PRIM2: variants seen among roughly 807,000 people sequenced by gnomAD.
The protein encoded by PRIM2 is DNA primase large subunit.
In PRIM2, 39 loss-of-function variants were observed where a neutral mutation model predicts 67.3. The observed-to-expected ratio is 0.58, with a 90% CI of 0.45 to 0.76. PRIM2 has a LOEUF of 0.76. Ranked by LOEUF, PRIM2 falls within the 30% of genes least tolerant of loss-of-function variation. The pLI is 0.00. For missense variants in PRIM2, 398 were observed against 598.7 expected, an observed-to-expected ratio of 0.66 and a Z score of 3.50; for synonymous variants, 143 against 198.7, an observed-to-expected ratio of 0.72 and a Z score of 2.36.
chr6:57,485,065 C>T (rs1438244856), intron 7 of PRIM2, among the ~76,000 whole-genome samples: 1 of 152,050 alleles, frequency 6.6e-6, no homozygotes, highest in Non-Finnish European at 1.5e-5. Context: ...GGACAAGTTA[C>T]GATGGAGCCA....
intron 12 of PRIM2, among the ~76,000 whole-genome samples, chr6:57,624,955 A>G (rs1776922654): frequency 6.6e-6 from 1 of 152,166 alleles, no homozygotes; most frequent in Admixed American, 6.5e-5. Flanking sequence ...AAGAGAGACA[A>G]TGAGATCCAA....
At position 57,331,396 on chromosome 6, in the gene PRIM2, T is replaced by C. The variant is rs191074300; in HGVS notation, c.459+5351T>C. On this transcript the variant is annotated intron_variant, in intron 5 of 13. Coordinates refer to ENST00000615550, the MANE Select transcript of PRIM2 (RefSeq NM_000947.5). ...GGTTTTTTGTGATGTCTATATCTGG[T>C]TTTGGTATTAGGATCATATTGGCCT... 4.9e-3 allele frequency among the ~76,000 whole-genome samples: 740 copies of C among 152,164 alleles called. 9 individuals are homozygous for C. The highest frequency in any genetic ancestry group is 0.017 in the African/African-American group (710 of 41,514).
intron 12 of PRIM2, among the ~76,000 whole-genome samples, chr6:57,607,642 G>A (rs1259863383): frequency 6.5e-4 from 99 of 152,118 alleles, no homozygotes; most frequent in African/African-American, 2.3e-3. Context: ...AGTTGGTTTC[G>A]GTTTGAGTGA....
At chr6:57,568,297 A>G (rs1775789048) in intron 10 of PRIM2, among the ~76,000 whole-genome samples, 1 of 152,186 alleles carries the variant, frequency 6.6e-6, no homozygotes, top group African/African-American at 2.4e-5. Context: ...AATGCAATGA[A>G]TAACTTGGTT....
At chr6:57,271,522 T>G in the PRIM2 span, among the ~76,000 whole-genome samples, 1 of 152,224 alleles carries the variant, frequency 6.6e-6, no homozygotes, top group Non-Finnish European at 1.5e-5. Flanking sequence ...TCCTCTTTTC[T>G]TCTTTATTAG....
At chr6:57,605,088 T>C (rs1163881907) in intron 11 of PRIM2, among the ~76,000 whole-genome samples, 1 of 152,238 alleles carries the variant, frequency 6.6e-6, no homozygotes, top group Admixed American at 6.5e-5. Context: ...GATTTGCATA[T>C]GTTGAGTCAG....
chr6:57,327,648 A>G (rs1181708210), intron 5 of PRIM2, among the ~76,000 whole-genome samples: 2 of 152,222 alleles, frequency 1.3e-5, no homozygotes, highest in Non-Finnish European at 2.9e-5. Flanking sequence ...TTTAACTTTG[A>G]TCCTTGGTGA....
At chr6:57,384,408 T>C (rs1770063558) in intron 7 of PRIM2, among the ~76,000 whole-genome samples, 1 of 152,212 alleles carries the variant, frequency 6.6e-6, no homozygotes, top group African/African-American at 2.4e-5. Context: ...ATCATTTTTC[T>C]AAGGATATCA....
intron 11 of PRIM2, among the ~76,000 whole-genome samples, chr6:57,604,969 C>T (rs1446517621): frequency 1.1e-4 from 16 of 152,270 alleles, no homozygotes; most frequent in South Asian, 2.1e-4. Flanking sequence ...GGATTACGGG[C>T]GTGAGCCACC....
intron 5 of PRIM2, among the ~76,000 whole-genome samples, chr6:57,330,363 TTTTG>T (rs1347615052): frequency 8.1e-5 from 8 of 98,834 alleles, no homozygotes; most frequent in African/African-American, 2.8e-4. Context: ...TTTTTTTTGT[TTTTG>T]TTTTTTTGTT....
At chr6:57,416,972 CTT>C (rs377078433) in intron 7 of PRIM2, among the ~76,000 whole-genome samples, 2 of 144,372 alleles carry the variant, frequency 1.4e-5, no homozygotes, top group Admixed American at 6.9e-5. Flanking sequence ...TTCTTTTTTT[CTT>C]TTTTTTTTTT....
chr6:57,411,381 A>C (rs1771084132), intron 7 of PRIM2, among the ~76,000 whole-genome samples: 1 of 152,034 alleles, frequency 6.6e-6, no homozygotes. Flanking sequence ...GCTTGAGCCC[A>C]GGAGTTTGAG....
the PRIM2 span, among the ~76,000 whole-genome samples, chr6:57,228,392 G>C: frequency 6.6e-6 from 1 of 152,190 alleles, no homozygotes; most frequent in Admixed American, 6.5e-5. Context: ...GATGGATTTA[G>C]TCCCTCCTAG....
In PRIM2 at chr6:57,329,376, A is replaced by G. The variant is rs1767977636; in HGVS notation, c.459+3331A>G. ...TTGCATGTAGATATCTAGTTGTCCCAGCATCATTTGTTGAAATAACCATTC... is the reference window on the plus strand; with the variant it reads ...TTGCATGTAGATATCTAGTTGTCCCGGCATCATTTGTTGAAATAACCATTC... On this transcript the variant is annotated intron_variant, in intron 5 of 13. Transcript: ENST00000615550. 2.0e-5 allele frequency among the ~76,000 whole-genome samples: 3 copies of G among 152,278 alleles called. No homozygotes were observed. The South Asian group carries it at 6.2e-4, about 32-fold the overall frequency.
chr6:57,510,838 T>A (rs1554347653), intron 8 of PRIM2, among the ~76,000 whole-genome samples: 1 of 152,192 alleles, frequency 6.6e-6, no homozygotes, highest in Non-Finnish European at 1.5e-5. Flanking sequence ...TTCCTTTTGC[T>A]TAGTTCTAAA....
intron 12 of PRIM2, among the ~76,000 whole-genome samples, chr6:57,619,471 G>A (rs1338990585): frequency 1.3e-5 from 2 of 152,168 alleles, no homozygotes; most frequent in African/African-American, 4.8e-5. Context: ...AGCTAATCAG[G>A]GAGAACCAGG....
chr6:57,227,890 CTACTTGTGCTAA>C, the PRIM2 span, among the ~76,000 whole-genome samples: 3 of 152,124 alleles, frequency 2.0e-5, no homozygotes, highest in Non-Finnish European at 4.4e-5. Context: ...AGGAAATGTT[CTACTTGTGCTAA>C]TACTTGTGCA....
the PRIM2 span, among the ~76,000 whole-genome samples, chr6:57,257,392 C>T: frequency 6.6e-6 from 1 of 151,902 alleles, no homozygotes; most frequent in Non-Finnish European, 1.5e-5. Flanking sequence ...CTGCCTCAGG[C>T]TCCTGAATAG....
upstream of PRIM2, among the ~76,000 whole-genome samples, chr6:57,317,394 A>G (rs1767511451): frequency 6.6e-6 from 1 of 152,174 alleles, no homozygotes; most frequent in Non-Finnish European, 1.5e-5. Context: ...CCCCAGTTTC[A>G]ACCGTTAAAG....
Sources: gnomAD v4.1 joint callset for allele counts (sites outside exome capture counted in the v4.1 genomes callset) on GRCh38, gnomAD v4.1.1 for gene constraint, MANE v1.5 for transcripts, NCBI Gene and HGNC (gene_info 2026-07-23, HGNC 2026-07-21) for gene names.